CNOT3: variants seen among roughly 807,000 people sequenced by gnomAD.
CNOT3 encodes CCR4-NOT transcription complex subunit 3, also known as CCR4-associated factor 3.
In CNOT3, 2 loss-of-function variants were observed where a neutral mutation model predicts 89.4. That is an observed-to-expected ratio of 0.02 (90% CI 0.01 to 0.07). CNOT3 has a LOEUF of 0.07. Among genes scored for constraint, CNOT3 ranks in the 10% least tolerant of loss-of-function variants. CNOT3 has a pLI of 1.00. For missense variants in CNOT3, 664 were observed against 1,010.2 expected, an observed-to-expected ratio of 0.66 and a Z score of 4.65; for synonymous variants, 486 against 402.0, an observed-to-expected ratio of 1.21 and a Z score of -2.50.
At position 54,142,934 on chromosome 19, in the gene CNOT3, G is replaced by C; in HGVS notation, c.-45G>C. On this transcript the variant is annotated 5_prime_UTR_variant, in exon 2 of 18. Coordinates refer to ENST00000221232, the MANE Select transcript of CNOT3 (RefSeq NM_014516.4). The stretch of plus-strand genomic sequence containing the variant: ...TCTCCAATCTCTCCTAGCAGCGTCC[G>C]TCTCCAAGAGAGTATGAAGAGAGTG... 6.2e-7 allele frequency: 1 copy of C among 1,603,820 alleles called. No homozygotes were observed. Among genetic ancestry groups the C allele is most frequent in the South Asian group, 1.1e-5 (1 of 90,896 alleles).
intron 1 of CNOT3, chr19:54,141,754 C>T (rs1006462338): frequency 1.3e-5 from 2 of 152,214 alleles, no homozygotes; most frequent in African/African-American, 2.4e-5. Context: ...GGTTCCCTGC[C>T]CTGCACACGT....
chr19:54,153,260 A>T, intron 16 of CNOT3: 1 of 762,418 alleles, frequency 1.3e-6, no homozygotes. Flanking sequence ...CCAGTTGCCC[A>T]CTGGCTCACC....
chr19:54,152,258 G>T lies in CNOT3; in HGVS notation c.1638G>T (p.Met546Ile). 2 of 1,614,094 alleles carry T rather than the reference G, an allele frequency of 1.2e-6. No homozygotes were observed. The highest frequency in any genetic ancestry group is 1.7e-6 in the Non-Finnish European group (2 of 1,179,996). Residue 546 changes from methionine to isoleucine, a missense_variant, in exon 14 of 18, where the codon ATG becomes ATT. Physicochemically the swap from Met to Ile is conservative, Grantham distance 10. Coordinates refer to ENST00000221232, the MANE Select transcript of CNOT3 (RefSeq NM_014516.4). ...AGCCTCTGAGCTCCTTGAAGTCCAT[G>T]GCGGAACGGGCAGCCATCAGCTCTG... ...APEPLSSLKS[M>I]AERAAISSGI...
At chr19:54,146,201 A>G (rs745896409) in intron 9 of CNOT3, among the ~76,000 whole-genome samples, 158 bp downstream of exon 9, 1 of 152,216 alleles carries the variant, frequency 6.6e-6, no homozygotes, top group East Asian at 1.9e-4. Flanking sequence ...CTAAGGTCCT[A>G]TATCTGGGTC....
At chr19:54,154,606 A>C (rs2075316848) in intron 17 of CNOT3, 1 of 156,126 alleles carries the variant, frequency 6.4e-6, no homozygotes, top group Non-Finnish European at 1.4e-5. Flanking sequence ...CCTGATGCCG[A>C]GCCCCTTCAT....
intron 13 of CNOT3, among the ~76,000 whole-genome samples, chr19:54,150,948 G>A (rs140713597): frequency 2.6e-5 from 4 of 151,918 alleles, no homozygotes; most frequent in Admixed American, 6.6e-5. Flanking sequence ...CTGCCACCAC[G>A]CCAGGCTAAT....
chr19:54,148,741 C>G lies in CNOT3; in HGVS notation c.1404C>G (p.Thr468=). Reference sequence around the variant, plus strand: ...GCCCCCACAACCCACCTCCCAGCACCTCGTGAGTGTCTCGGCCATCGGCAG... The same window carrying G: ...GCCCCCACAACCCACCTCCCAGCACGTCGTGAGTGTCTCGGCCATCGGCAG... ...PSGPHNPPPS[T]SKEPSAAAPT... is the part of the protein sequence containing the mutation. The change falls in exon 12 of 18, where the codon ACC becomes ACG. Residue 468 remains threonine (T), a splice_region_variant and synonymous_variant. Coordinates refer to ENST00000221232, the MANE Select transcript of CNOT3 (RefSeq NM_014516.4). This position sits in a 1 kb window ranked among gnomAD's most constrained non-coding sequence, Gnocchi z 6.3. The G allele has an allele frequency of 6.2e-7, 1 of 1,611,372 alleles. No individual in the cohort carries two copies. The highest frequency in any genetic ancestry group is 8.5e-7 in the Non-Finnish European group (1 of 1,179,178).
At chr19:54,149,846 C>A in intron 13 of CNOT3, 88 bp downstream of exon 13, 1 of 1,260,372 alleles carries the variant, frequency 7.9e-7, no homozygotes, top group Non-Finnish European at 1.0e-6. Context: ...CTTGCCCCCA[C>A]CCTCTTTCTG....
rs61743560 is a variant in CNOT3, at chr19:54,152,226, G to C, written c.1606G>C (p.Ala536Pro). Residue 536 changes from alanine to proline, a missense_variant and splice_region_variant, in exon 14 of 18, where the codon GCC becomes CCC. By Grantham distance (27) the Ala-to-Pro change is conservative (BLOSUM62 -1). Coordinates refer to ENST00000221232, the MANE Select transcript of CNOT3 (RefSeq NM_014516.4). ...GCCAGGCCTCTTGTTTCCTCCCCAG[G>C]CCCCTGAGCCTCTGAGCTCCTTGAA... The part of the protein sequence containing the change: ...PQFSTAPEIK[A>P]PEPLSSLKSM... 6.7e-5 allele frequency: 108 copies of C among 1,613,930 alleles called. 2 individuals carry two copies. The South Asian group carries it at 8.2e-4, about 12-fold the overall frequency.
intron 1 of CNOT3, 62 bp from the exon 2 acceptor site, chr19:54,142,867 T>A: frequency 9.3e-7 from 1 of 1,075,588 alleles, no homozygotes; most frequent in Non-Finnish European, 1.4e-6. Context: ...ACTAGGTCCA[T>A]GTCTCTGGGT....
Position 54,143,103 on chromosome 19 carries a change from G to T in CNOT3, c.26-16G>T. ...ACCTGGGCAGGATTCTCACAGCCTT[G>T]TTCCTCCCTGGCCAGGTGAGATTGA... On this transcript the variant is annotated splice_polypyrimidine_tract_variant and intron_variant, in intron 2 of 17. Coordinates refer to ENST00000221232, the MANE Select transcript of CNOT3 (RefSeq NM_014516.4). The T allele has an allele frequency of 6.2e-7, 1 of 1,613,828 alleles. No individual in the cohort carries two copies. The highest frequency in any genetic ancestry group is 8.5e-7 in the Non-Finnish European group (1 of 1,179,812).
intron 16 of CNOT3, 184 bp downstream of exon 16, chr19:54,153,183 C>T (rs764449147): frequency 5.2e-6 from 4 of 766,632 alleles, no homozygotes; most frequent in Admixed American, 5.1e-5. Flanking sequence ...CCTTCCAGCC[C>T]AGAGATGTTA....
intron 2 of CNOT3, 36 bp downstream of exon 2, chr19:54,143,039 A>C (rs750984492): frequency 6.2e-7 from 1 of 1,613,804 alleles, no homozygotes. Flanking sequence ...CTGTAGCCAC[A>C]TGCTCCCTCT....
chr19:54,142,453 C>CACACACACACACACACACA (rs1440264680), intron 1 of CNOT3: 34 of 222,444 alleles, frequency 1.5e-4, no homozygotes, highest in South Asian at 5.9e-4. Flanking sequence ...CACACACACG[C>CACACACACACACACACACA]CCTTCTCTGT....
chr19:54,139,565 C>T (rs149738274), intron 1 of CNOT3, among the ~76,000 whole-genome samples: 1 of 152,240 alleles, frequency 6.6e-6, no homozygotes, highest in East Asian at 1.9e-4. Flanking sequence ...TTCTTGCCAT[C>T]CTTGGTATTG....
Position 54,144,443 on chromosome 19 carries a change from G to T in CNOT3, c.483+111G>T, listed in dbSNP as rs1230681334. 10 of 784,824 alleles carry T rather than the reference G, an allele frequency of 1.3e-5. No homozygotes were observed. The highest frequency in any genetic ancestry group is 7.3e-4 in the Middle Eastern group (2 of 2,752). 48.6% of individuals were successfully genotyped at this position (784,824 alleles called of 1,614,324 possible). On this transcript the variant is annotated intron_variant, in intron 7 of 17. Coordinates refer to ENST00000221232, the MANE Select transcript of CNOT3 (RefSeq NM_014516.4). The surrounding 1 kb of genome is among the most constrained non-coding windows in gnomAD (Gnocchi z 4.8). ...GGGAGTTGGGGCCTGGATTCCTCAG[G>T]CGGACAGGGCCAACAGCCGGGATTA...
intron 1 of CNOT3, among the ~76,000 whole-genome samples, chr19:54,139,221 C>T (rs2074350100): frequency 6.6e-6 from 1 of 152,170 alleles, no homozygotes; most frequent in Non-Finnish European, 1.5e-5. Flanking sequence ...TCCCTCCCTT[C>T]ACCCCTGCCT....
In CNOT3 at chr19:54,144,597, TGGG is replaced by T. The variant is rs1316711203; in HGVS notation, c.483+268_483+270del. The stretch of plus-strand genomic sequence containing the variant: ...GGGGCCTTTGTGAAGAGGAGCGACT[TGGG>T]GGAAGGTGAGTGCAGGTTGAGCTTG... On this transcript the variant is annotated intron_variant, in intron 7 of 17. Coordinates refer to ENST00000221232, the MANE Select transcript of CNOT3 (RefSeq NM_014516.4). This position sits in a 1 kb window ranked among gnomAD's most constrained non-coding sequence, Gnocchi z 4.8. 6.6e-6 allele frequency among the ~76,000 whole-genome samples: 1 copy of T among 151,832 alleles called. No homozygotes were observed. The highest frequency in any genetic ancestry group is 2.4e-5 in the African/African-American group (1 of 41,304).
chr19:54,138,544 T>G (rs2074315792), intron 1 of CNOT3, among the ~76,000 whole-genome samples: 2 of 149,968 alleles, frequency 1.3e-5, no homozygotes, highest in South Asian at 2.1e-4. Context: ...CCCAGCTGGG[T>G]GGGGGAGTCA....
Sources: gnomAD v4.1 joint callset for allele counts (sites outside exome capture counted in the v4.1 genomes callset) on GRCh38, gnomAD v4.1.1 for gene constraint, Gnocchi (gnomAD v3.1) non-coding constraint, MANE v1.5 for transcripts, NCBI Gene and HGNC (gene_info 2026-07-23, HGNC 2026-07-21) for gene names.